Variants in ZFYVE9 observed in about 807,000 individuals in gnomAD.
The protein encoded by ZFYVE9 is zinc finger FYVE-type containing 9, also known as zinc finger FYVE domain-containing protein 9.
In ZFYVE9, 43 loss-of-function variants were observed where a neutral mutation model predicts 126.7. The ratio of observed to expected loss-of-function variants is 0.34; its 90% CI spans 0.27 to 0.44. ZFYVE9 has a LOEUF of 0.44. Ranked by LOEUF, ZFYVE9 falls within the 20% of genes least tolerant of loss-of-function variation. The probability of loss-of-function intolerance (pLI) is 1.00; values close to 1 mark genes in which losing one functional copy is unlikely to be tolerated. For missense variants in ZFYVE9, 1,476 were observed against 1,697.0 expected (o/e 0.87, Z 2.29); for synonymous variants, 521 against 597.4 (o/e 0.87, Z 1.87).
At chr1:52,321,625 G>A (rs1646240096) in intron 13 of ZFYVE9, among the ~76,000 whole-genome samples, 1 of 152,078 alleles carries the variant, frequency 6.6e-6, no homozygotes, top group Non-Finnish European at 1.5e-5. Flanking sequence ...CATGCCCATT[G>A]ACAGGAGTGG....
intron 13 of ZFYVE9, among the ~76,000 whole-genome samples, chr1:52,332,069 C>T (rs996859058): frequency 3.3e-5 from 5 of 152,054 alleles, no homozygotes; most frequent in East Asian, 1.9e-4. Context: ...CATGAGCCAC[C>T]GTGCCTGGCC....
chr1:52,152,935 A>G (rs1644370842), intron 1 of ZFYVE9, among the ~76,000 whole-genome samples: 1 of 152,222 alleles, frequency 6.6e-6, no homozygotes, highest in African/African-American at 2.4e-5. Flanking sequence ...AGAATTGCCT[A>G]GGGAGAGCCT....
At chr1:52,155,030 T>C (rs1404654093) in intron 1 of ZFYVE9, among the ~76,000 whole-genome samples, 1 of 152,168 alleles carries the variant, frequency 6.6e-6, no homozygotes. Context: ...TTCTTGTGCC[T>C]TTTGGTTCTG....
At chr1:52,178,736 A>G (rs1332013456) in intron 1 of ZFYVE9, among the ~76,000 whole-genome samples, 1 of 152,228 alleles carries the variant, frequency 6.6e-6, no homozygotes, top group Non-Finnish European at 1.5e-5. Flanking sequence ...ATTGAAGAAA[A>G]CAAAGCCAGA....
chr1:52,167,858 CTT>C (rs1311620163), intron 1 of ZFYVE9, among the ~76,000 whole-genome samples: 1 of 152,200 alleles, frequency 6.6e-6, no homozygotes, highest in African/African-American at 2.4e-5. Flanking sequence ...CACAGTTGAT[CTT>C]TGGAACATTC....
intron 13 of ZFYVE9, among the ~76,000 whole-genome samples, chr1:52,331,515 G>A (rs140611760): frequency 0.044 from 6,598 of 151,308 alleles, 307 homozygotes; most frequent in East Asian, 0.12. Context: ...CACTTTGGGA[G>A]GCTGAGGTGG....
At chr1:52,293,347 C>G (rs1645941453) in intron 10 of ZFYVE9, 106 bp from the exon 11 acceptor site, 1 of 1,029,672 alleles carries the variant, frequency 9.7e-7, no homozygotes, top group East Asian at 2.9e-5. Context: ...CCACTGCACT[C>G]CAGCCTGGGC....
chr1:52,309,114 G>A (rs544779228), intron 13 of ZFYVE9, among the ~76,000 whole-genome samples: 15 of 152,180 alleles, frequency 9.9e-5, no homozygotes, highest in African/African-American at 3.6e-4. Context: ...GGAGATGTTC[G>A]TAAATGTTCA....
chr1:52,143,356 A>G (rs1452170749), intron 1 of ZFYVE9, among the ~76,000 whole-genome samples: 1 of 152,222 alleles, frequency 6.6e-6, no homozygotes, highest in East Asian at 1.9e-4. Flanking sequence ...ACAGTTTGAT[A>G]CCGTAAGTCA....
intron 4 of ZFYVE9, among the ~76,000 whole-genome samples, chr1:52,256,617 T>C (rs1339647339): frequency 6.6e-6 from 1 of 151,338 alleles, no homozygotes; most frequent in Non-Finnish European, 1.5e-5. Context: ...GGATATAATA[T>C]TGAAAGTCTG....
intron 2 of ZFYVE9, among the ~76,000 whole-genome samples, chr1:52,219,019 G>A (rs1399333198): frequency 3.9e-5 from 6 of 152,092 alleles, no homozygotes; most frequent in Admixed American, 3.9e-4. Flanking sequence ...TGGAGGTAGG[G>A]TTTTAGGGCG....
At chr1:52,146,050 C>CACAT (rs974308111) in intron 1 of ZFYVE9, among the ~76,000 whole-genome samples, 1 of 151,476 alleles carries the variant, frequency 6.6e-6, no homozygotes, top group Non-Finnish European at 1.5e-5. Flanking sequence ...CACACACACA[C>CACAT]ACACACAAAA....
intron 12 of ZFYVE9, among the ~76,000 whole-genome samples, chr1:52,299,015 A>G (rs913543091): frequency 6.6e-6 from 1 of 151,796 alleles, no homozygotes; most frequent in African/African-American, 2.4e-5. Flanking sequence ...TCACTGTGTT[A>G]GCCAGGATGG....
At chr1:52,340,310 A>C in intron 17 of ZFYVE9, 79 bp downstream of exon 17, 1 of 1,029,882 alleles carries the variant, frequency 9.7e-7, no homozygotes, top group East Asian at 2.4e-5. Context: ...TTCTGGGTTG[A>C]CTTTGTAGGA....
At chr1:52,302,825 C>T (rs1011225828) in intron 12 of ZFYVE9, among the ~76,000 whole-genome samples, 1 of 151,660 alleles carries the variant, frequency 6.6e-6, no homozygotes, top group African/African-American at 2.4e-5. Context: ...CTGTTAACAT[C>T]CTGGCCAGGT....
intron 7 of ZFYVE9, among the ~76,000 whole-genome samples, chr1:52,272,467 A>G (rs115057614): frequency 0.012 from 1,878 of 152,322 alleles, 33 homozygotes; most frequent in African/African-American, 0.043. Context: ...AATCCAAACA[A>G]TAGTATATAA....
Position 52,322,463 on chromosome 1 carries a change from C to T in ZFYVE9, c.3439-10305C>T, listed in dbSNP as rs1011803277. On this transcript the variant is annotated intron_variant, in intron 13 of 18. Coordinates refer to ENST00000287727, the MANE Select transcript of ZFYVE9 (RefSeq NM_004799.4). ...CGCGATCTCGGCTCACTGCAACTTC[C>T]GCCTCCCGGGTTCAAGCGATTCTTC... 1.3e-4 allele frequency among the ~76,000 whole-genome samples: 19 copies of T among 148,358 alleles called. No individual in the cohort carries two copies. In the East Asian group the frequency reaches 1.6e-3, roughly 13 times the overall value.
intron 1 of ZFYVE9, among the ~76,000 whole-genome samples, chr1:52,147,276 C>T (rs373028540): frequency 2.0e-5 from 3 of 152,192 alleles, no homozygotes; most frequent in East Asian, 3.9e-4. Flanking sequence ...AGCCCATTTA[C>T]GGAACTGGAA....
At position 52,341,613 on chromosome 1, in the gene ZFYVE9, T is replaced by C. The variant is rs368462089; in HGVS notation, c.3939+1382T>C. ...AAATTATAAGATCTCTAGGATTCTTTTCAGCTTTGAAACTCTTATGTTTTT... is the reference window on the plus strand; with the variant it reads ...AAATTATAAGATCTCTAGGATTCTTCTCAGCTTTGAAACTCTTATGTTTTT... On this transcript the variant is annotated intron_variant, in intron 17 of 18. Coordinates refer to ENST00000287727, the MANE Select transcript of ZFYVE9 (RefSeq NM_004799.4). Among the ~76,000 whole-genome samples, 7 of 152,372 alleles carry C rather than the reference T, an allele frequency of 4.6e-5. No homozygotes were observed. The East Asian group carries it at 1.2e-3, about 25-fold the overall frequency.
Sources: allele counts gnomAD v4.1 joint callset (sites outside exome capture counted in the v4.1 genomes callset), GRCh38; gene constraint gnomAD v4.1.1; transcripts MANE v1.5; gene names NCBI Gene and HGNC (gene_info 2026-07-23, HGNC 2026-07-21).